Variants in GAB2 observed in about 807,000 individuals in gnomAD.
GAB2 encodes GRB2 associated binding protein 2, also known as GRB2-associated-binding protein 2.
In GAB2, 26 loss-of-function variants were observed where a neutral mutation model predicts 65.5. That is an observed-to-expected ratio of 0.40 (90% CI 0.29 to 0.55). The LOEUF (loss-of-function observed/expected upper bound fraction) is 0.55, where lower values mean the gene tolerates loss of function less well. Among genes scored for constraint, GAB2 ranks in the 20% least tolerant of loss-of-function variants. The probability of loss-of-function intolerance (pLI) is 0.53; values close to 1 mark genes in which losing one functional copy is unlikely to be tolerated. For synonymous variants in GAB2, 321 were observed against 329.6 expected (o/e 0.97, Z 0.28); for missense variants, 884 against 875.8 (o/e 1.01, Z -0.12).
At chr11:78,233,337 T>C (rs1395970287) in intron 3 of GAB2, among the ~76,000 whole-genome samples, 2 of 152,208 alleles carry the variant, frequency 1.3e-5, no homozygotes, top group Non-Finnish European at 2.9e-5. Flanking sequence ...GTCTGGCCTG[T>C]TAGCCATTTT....
chr11:78,315,689 T>C (rs758828088), intron 1 of GAB2, among the ~76,000 whole-genome samples: 15 of 152,178 alleles, frequency 9.9e-5, no homozygotes, highest in Non-Finnish European at 1.5e-4. Flanking sequence ...ATTAAAACTT[T>C]AGTGAATCAA....
intron 2 of GAB2, among the ~76,000 whole-genome samples, chr11:78,263,435 A>T (rs370688318): frequency 6.6e-6 from 1 of 151,980 alleles, no homozygotes; most frequent in Non-Finnish European, 1.5e-5. Context: ...AGATAAAGAC[A>T]ATCCTGGCTA....
intron 3 of GAB2, 129 bp from the exon 4 acceptor site, chr11:78,227,180 T>C (rs915339347): frequency 4.6e-6 from 3 of 655,512 alleles, no homozygotes; most frequent in African/African-American, 3.6e-5. Flanking sequence ...AAGCATATTT[T>C]GAAGGTTGTT....
rs116267461 is a variant in GAB2, at chr11:78,298,775, C to G, written c.76-17874G>C. Among the ~76,000 whole-genome samples, 1,320 of 152,286 alleles carry G rather than the reference C, an allele frequency of 8.7e-3. 19 individuals are homozygous for G. Among genetic ancestry groups the G allele is most frequent in the African/African-American group, 0.03 (1,254 of 41,546 alleles). On this transcript the variant is annotated intron_variant, in intron 1 of 9. Transcript: ENST00000361507. Reference sequence around the variant, plus strand: ...GTTACCAGGGAAAACCAGGGCAAAGCTGGGGGAAGAGTAGACAAATGATGC... The same window carrying G: ...GTTACCAGGGAAAACCAGGGCAAAGGTGGGGGAAGAGTAGACAAATGATGC...
At chr11:78,408,690 G>A (rs1272837478) in intron 1 of GAB2, among the ~76,000 whole-genome samples, 1 of 152,160 alleles carries the variant, frequency 6.6e-6, no homozygotes, top group South Asian at 2.1e-4. Flanking sequence ...GGGCCTGATG[G>A]GAAATGATTG....
At chr11:78,289,814 CTTTT>C (rs56926225) in intron 1 of GAB2, among the ~76,000 whole-genome samples, 5 of 83,622 alleles carry the variant, frequency 6.0e-5, no homozygotes, top group South Asian at 1.1e-3. Context: ...AGAACAGGAC[CTTTT>C]TTTTTTTTTT....
chr11:78,242,561 G>C (rs1865169294), intron 3 of GAB2, among the ~76,000 whole-genome samples: 1 of 151,682 alleles, frequency 6.6e-6, no homozygotes, highest in African/African-American at 2.4e-5. Context: ...AATGAAAATA[G>C]AAACACAACA....
chr11:78,407,654 A>AAAGT (rs371741882), intron 1 of GAB2, among the ~76,000 whole-genome samples: 3 of 100,766 alleles, frequency 3.0e-5, no homozygotes, highest in Admixed American at 1.1e-4. Context: ...AGAAAGAAAG[A>AAAGT]AAGTAAGAAA....
chr11:78,257,979 T>C (rs1865637384), intron 2 of GAB2, among the ~76,000 whole-genome samples: 1 of 152,242 alleles, frequency 6.6e-6, no homozygotes, highest in Non-Finnish European at 1.5e-5. Context: ...AAGAGCCCTA[T>C]GAGGTGAATG....
chr11:78,260,717 C>T (rs1182194568), intron 2 of GAB2, among the ~76,000 whole-genome samples: 2 of 152,186 alleles, frequency 1.3e-5, no homozygotes, highest in Non-Finnish European at 2.9e-5. Context: ...GGTGATCTGC[C>T]CGCCTTGGCC....
chr11:78,252,346 T>C (rs1865478641), intron 2 of GAB2, among the ~76,000 whole-genome samples: 1 of 152,212 alleles, frequency 6.6e-6, no homozygotes, highest in African/African-American at 2.4e-5. Context: ...AAACTGGACA[T>C]TTGTTAACAG....
At chr11:78,253,469 T>C (rs994860621) in intron 2 of GAB2, among the ~76,000 whole-genome samples, 1 of 152,140 alleles carries the variant, frequency 6.6e-6, no homozygotes, top group Non-Finnish European at 1.5e-5. Flanking sequence ...TTTTTAAATT[T>C]TTTTTGTAGA....
In GAB2 at chr11:78,250,253, G is replaced by C. The variant is rs763292808; in HGVS notation, c.524C>G (p.Pro175Arg). ...SQPTLFTFEP[P>R]VSNHMQPTLS... ...GGTGGGCTGCATGTGGTTTGACACA[G>C]GGGGTTCAAACGTGAACAGAGTTGG... The change falls in exon 3 of 10, where the codon CCT (proline) becomes CGT (arginine). Residue 175 changes from proline to arginine, a missense_variant. Transcript: ENST00000361507. The C allele has an allele frequency of 3.1e-6, 5 of 1,613,418 alleles. No individual in the cohort carries two copies. The highest frequency in any genetic ancestry group is 4.2e-6 in the Non-Finnish European group (5 of 1,179,870).
intron 1 of GAB2, among the ~76,000 whole-genome samples, chr11:78,291,133 G>A (rs1866655729): frequency 6.6e-6 from 1 of 152,028 alleles, no homozygotes; most frequent in Non-Finnish European, 1.5e-5. Flanking sequence ...GGGAAGGTTG[G>A]GGAGTGTGAC....
intron 2 of GAB2, among the ~76,000 whole-genome samples, chr11:78,257,858 A>G (rs1436949402): frequency 6.6e-6 from 1 of 152,064 alleles, no homozygotes; most frequent in African/African-American, 2.4e-5. Flanking sequence ...AGAGACATCA[A>G]TAGCAAACTC....
At chr11:78,397,690 T>C (rs1856918945) in intron 1 of GAB2, among the ~76,000 whole-genome samples, 1 of 152,142 alleles carries the variant, frequency 6.6e-6, no homozygotes, top group Non-Finnish European at 1.5e-5. Context: ...GCACTGGTCT[T>C]TGTCATTTGT....
rs1238334545 is a variant in GAB2 at position 78,291,555 on chromosome 11, CTTTTTCTTTTTTT to C, written c.76-10667_76-10655del. Among the ~76,000 whole-genome samples the C allele has an allele frequency of 1.3e-3, 69 of 55,050 alleles. 1 individual carries two copies. The highest frequency in any genetic ancestry group is 0.023 in the Middle Eastern group (1 of 44). 36.1% of individuals were successfully genotyped at this position (55,050 alleles called of 152,430 possible). ...CCTATCTTGAGAGACTTACTTTTTT[CTTTTTCTTTTTTT>C]TTTTTTTTTTTTTTTTTTTTTGCGA... On this transcript the variant is annotated intron_variant, in intron 1 of 9. Transcript: ENST00000361507.
At chr11:78,221,869 C>A (rs1590938227) in intron 7 of GAB2, 90 bp from the exon 8 acceptor site, 1 of 836,458 alleles carries the variant, frequency 1.2e-6, no homozygotes, top group East Asian at 2.5e-5. Context: ...CCTCACACAC[C>A]CAGACCTCAG....
chr11:78,382,493 T>C (rs1856711337), intron 1 of GAB2, among the ~76,000 whole-genome samples: 1 of 152,042 alleles, frequency 6.6e-6, no homozygotes. Context: ...AAAGCTTTCC[T>C]GGATTCTCAA....
Sources: gnomAD v4.1 joint callset for allele counts (sites outside exome capture counted in the v4.1 genomes callset) on GRCh38, gnomAD v4.1.1 for gene constraint, MANE v1.5 for transcripts, NCBI Gene and HGNC (gene_info 2026-07-23, HGNC 2026-07-21) for gene names.